Variants in NAV1 observed in about 807,000 individuals in gnomAD.
The protein encoded by NAV1 is neuron navigator 1.
NAV1 carries 18 observed loss-of-function variants against 175.2 expected under a neutral mutation model. The ratio of observed to expected loss-of-function variants is 0.10; its 90% confidence interval spans 0.07 to 0.15. The LOEUF (loss-of-function observed/expected upper bound fraction) is 0.15, where lower values mean the gene tolerates loss of function less well. Among genes scored for constraint, NAV1 ranks in the 10% least tolerant of loss-of-function variants. The pLI is 1.00. For synonymous variants in NAV1, 897 were observed against 978.7 expected (o/e 0.92, Z 1.56); for missense variants, 1,731 against 2,436.6 (o/e 0.71, Z 6.10).
intron 3 of NAV1, among the ~76,000 whole-genome samples, chr1:201,748,917 G>A (rs1339897917): frequency 6.6e-6 from 1 of 152,172 alleles, no homozygotes; most frequent in East Asian, 1.9e-4. Flanking sequence ...GGAGGCCGAG[G>A]CAGGCAGATC....
chr1:201,790,405 G>A, intron 11 of NAV1, 149 bp from the exon 16 acceptor site: 1 of 828,198 alleles, frequency 1.2e-6, no homozygotes, highest in African/African-American at 1.7e-5. Flanking sequence ...TGAGGAGCCA[G>A]GGCCAGGAAA....
intron 1 of NAV1, among the ~76,000 whole-genome samples, chr1:201,702,751 G>A (rs888054661): frequency 1.4e-5 from 2 of 145,214 alleles, no homozygotes; most frequent in Non-Finnish European, 3.0e-5. Context: ...GACTAGTGGC[G>A]ACAATATTGG....
At chr1:201,641,019 G>T (rs1283039456) in intron 2 of NAV1, among the ~76,000 whole-genome samples, 1 of 152,186 alleles carries the variant, frequency 6.6e-6, no homozygotes, top group Non-Finnish European at 1.5e-5. Flanking sequence ...GAGAGTCAGG[G>T]AAGGCGGCCT....
chr1:201,819,794 A>G (rs1679282241), intron 29 of NAV1, 43 bp from the exon 34 acceptor site: 9 of 1,558,296 alleles, frequency 5.8e-6, no homozygotes, highest in Non-Finnish European at 7.1e-6. Context: ...GGCAGGACCC[A>G]GAGTCCCAAC....
At chr1:201,649,035 G>A in exon 1 of NAV1, 1 of 1,613,650 alleles carries the variant, frequency 6.2e-7, no homozygotes. Flanking sequence ...CAAAGGCTTA[G>A]GCAAGGTGGG....
chr1:201,689,311 G>A (rs915345836), intron 1 of NAV1, among the ~76,000 whole-genome samples: 3 of 152,188 alleles, frequency 2.0e-5, no homozygotes, highest in East Asian at 1.9e-4. Flanking sequence ...CATCTAGGCC[G>A]CTACAGGACA....
At chr1:201,565,240 A>C (rs1042178994) in intron 1 of NAV1, among the ~76,000 whole-genome samples, 1 of 152,248 alleles carries the variant, frequency 6.6e-6, no homozygotes, top group South Asian at 2.1e-4. Flanking sequence ...GTGCTCATTA[A>C]ATATTTAGCT....
rs1429106931 is a variant in NAV1, at chr1:201,793,193, C to G, written c.3322-599C>G. The G allele has an allele frequency of 2.0e-5, 3 of 152,610 alleles. No individual in the cohort carries two copies. In the East Asian group the frequency reaches 5.8e-4, roughly 29 times the overall value. 9.5% of individuals were successfully genotyped at this position (152,610 alleles called of 1,614,324 possible). ...AGAGAGCCCTTTGGTATCCTTCACTCCTCATGAAACAGACCTGACACCTAG... is the reference window on the plus strand; with the variant it reads ...AGAGAGCCCTTTGGTATCCTTCACTGCTCATGAAACAGACCTGACACCTAG... On this transcript the variant is annotated intron_variant, in intron 13 of 29. Transcript: ENST00000367296.
chr1:201,814,773 C>T (rs1418307065), intron 28 of NAV1, among the ~76,000 whole-genome samples: 1 of 152,060 alleles, frequency 6.6e-6, no homozygotes, highest in African/African-American at 2.4e-5. Flanking sequence ...GGTGCGGTGG[C>T]TCACGCCTGT....
rs140715482 is a variant in NAV1, at chr1:201,569,018, C to T, written c.-143-19521C>T. ...GGCCTTCTCAGCTCCCCACTCCTCC[C>T]GGCTGCTTCCTGTTAGCAGGACACC... On this transcript the variant is annotated intron_variant, in intron 1 of 33. Coordinates refer to the NAV1 transcript ENST00000685211. Among the ~76,000 whole-genome samples the T allele has an allele frequency of 6.1e-3, 930 of 152,262 alleles. 10 individuals are homozygous for T. The highest frequency in any genetic ancestry group is 0.021 in the African/African-American group (852 of 41,542).
At chr1:201,598,479 C>T (rs369149802) in intron 2 of NAV1, among the ~76,000 whole-genome samples, 3 of 152,088 alleles carry the variant, frequency 2.0e-5, no homozygotes, top group Admixed American at 6.6e-5. Context: ...GTGGGCCATG[C>T]GGCGTGGGGC....
intron 3 of NAV1, among the ~76,000 whole-genome samples, chr1:201,756,662 A>T (rs1295161456): frequency 1.3e-5 from 2 of 152,158 alleles, no homozygotes; most frequent in African/African-American, 4.8e-5. Context: ...AATATGTAGA[A>T]ATTCTCTGCA....
rs560477430 is a variant in NAV1, at chr1:201,602,414, T to C, written c.-33+13765T>C. 1.4e-4 allele frequency among the ~76,000 whole-genome samples: 21 copies of C among 152,306 alleles called. No individual in the cohort carries two copies. In the East Asian group the frequency reaches 4.1e-3, roughly 29 times the overall value. On this transcript the variant is annotated intron_variant, in intron 2 of 33. Transcript: ENST00000685211. ...GGGAGTACAGTGGCGCGGTCTCGGC[T>C]CACTGGAACCTCTGCCTCCCAAGTT...
chr1:201,565,735 C>G (rs1666335697), intron 1 of NAV1, among the ~76,000 whole-genome samples: 1 of 152,150 alleles, frequency 6.6e-6, no homozygotes, highest in South Asian at 2.1e-4. Context: ...AGGGCTGTCA[C>G]CCACCCCCTG....
chr1:201,642,379 A>C (rs1433662019), intron 2 of NAV1, among the ~76,000 whole-genome samples: 3 of 151,438 alleles, frequency 2.0e-5, no homozygotes, highest in African/African-American at 7.3e-5. Flanking sequence ...CACCCAGCTA[A>C]TTTTTTGTTT....
chr1:201,659,947 A>G (rs1436413594), intron 1 of NAV1, among the ~76,000 whole-genome samples: 1 of 152,086 alleles, frequency 6.6e-6, no homozygotes, highest in East Asian at 1.9e-4. Context: ...TAGGAGTGAG[A>G]ATGTTTTGCC....
intron 2 of NAV1, among the ~76,000 whole-genome samples, chr1:201,642,086 CCCT>C (rs1194407205): frequency 2.0e-5 from 3 of 148,628 alleles, no homozygotes; most frequent in Non-Finnish European, 4.5e-5. Context: ...CTCCCTCCCT[CCCT>C]CCTTCCTTCC....
At chr1:201,568,889 G>A (rs1666447315) in intron 1 of NAV1, among the ~76,000 whole-genome samples, 1 of 146,900 alleles carries the variant, frequency 6.8e-6, no homozygotes, top group African/African-American at 2.7e-5. Flanking sequence ...AGTTTGCGGG[G>A]GTCCTCTAGG....
chr1:201,665,586 C>T (rs1239230728), intron 1 of NAV1, among the ~76,000 whole-genome samples: 1 of 89,504 alleles, frequency 1.1e-5, no homozygotes, highest in Non-Finnish European at 2.3e-5. Flanking sequence ...GGCAAGAGCA[C>T]CCCACCCCCC....
Sources: allele counts gnomAD v4.1 joint callset (sites outside exome capture counted in the v4.1 genomes callset), GRCh38; gene constraint gnomAD v4.1.1; transcripts MANE v1.5; gene names NCBI Gene and HGNC (gene_info 2026-07-23, HGNC 2026-07-21).